Variants in TMEM87B observed in about 807,000 individuals in gnomAD.
TMEM87B encodes transmembrane protein 87B.
In TMEM87B, 83 loss-of-function variants were observed where a neutral mutation model predicts 80.3. The observed-to-expected ratio is 1.03, with a 90% CI of 0.87 to 1.24. TMEM87B has a LOEUF of 1.24. Among genes scored for constraint, TMEM87B ranks in the 50% most tolerant of loss-of-function variants. The probability of loss-of-function intolerance (pLI) is 0.00; values close to 1 mark genes in which losing one functional copy is unlikely to be tolerated. For synonymous variants in TMEM87B, 219 were observed against 230.5 expected, an observed-to-expected ratio of 0.95 and a Z score of 0.45; for missense variants, 625 against 674.4, an observed-to-expected ratio of 0.93 and a Z score of 0.81.
In TMEM87B at chr2:112,081,437, G is replaced by A; in HGVS notation, c.757G>A (p.Ala253Thr). ...KDILRIQFWIAAVIFLGMLEK... is the reference protein window; with the variant it reads ...KDILRIQFWITAVIFLGMLEK... The stretch of plus-strand genomic sequence containing the variant: ...TATATTAAGAATCCAGTTCTGGATT[G>A]CAGCTGTTATTTTTTTGGGAATGCT... Residue 253 changes from alanine to threonine, a missense_variant, in exon 8 of 19, where the codon GCA becomes ACA. Transcript: ENST00000283206. The A allele has an allele frequency of 1.2e-6, 2 of 1,613,806 alleles. No homozygotes were observed. The highest frequency in any genetic ancestry group is 1.7e-6 in the Non-Finnish European group (2 of 1,179,950).
In TMEM87B at chr2:112,064,146, T is replaced by C. The variant is rs956057606; in HGVS notation, c.227-16T>C. The C allele has an allele frequency of 5.6e-6, 9 of 1,608,832 alleles. No individual in the cohort carries two copies. In the Admixed American group the frequency reaches 8.4e-5, roughly 15 times the overall value. ...TGTATTATTCATGTAAAACAAGACT[T>C]TCTTTTTCTAAACAGTTAAGTCATT... On this transcript the variant is annotated splice_polypyrimidine_tract_variant and intron_variant, in intron 2 of 18. Transcript: ENST00000283206.
intron 1 of TMEM87B, among the ~76,000 whole-genome samples, chr2:112,058,295 T>C (rs140014207): frequency 2.6e-5 from 4 of 152,362 alleles, no homozygotes; most frequent in African/African-American, 9.6e-5. Context: ...GCCTTGAGCC[T>C]GAGGCCAGAG....
At chr2:112,060,532 G>T (rs1678218863) in intron 2 of TMEM87B, among the ~76,000 whole-genome samples, 1 of 151,390 alleles carries the variant, frequency 6.6e-6, no homozygotes, top group East Asian at 1.9e-4. Flanking sequence ...TTACAAGAAT[G>T]GATTTTTCTT....
intron 18 of TMEM87B, among the ~76,000 whole-genome samples, chr2:112,115,306 A>G (rs1679992339): frequency 7.2e-6 from 1 of 137,990 alleles, no homozygotes; most frequent in Admixed American, 7.3e-5. Context: ...CTACAGAAAG[A>G]TGTAGCATTA....
At chr2:112,085,895 AT>A in intron 8 of TMEM87B, 109 bp from the exon 9 acceptor site, 2 of 776,486 alleles carry the variant, frequency 2.6e-6, no homozygotes, top group Non-Finnish European at 4.0e-6. Flanking sequence ...AATGTGGCTG[AT>A]TGGTCTGAAG....
chr2:112,057,869 C>G (rs1018976600), intron 1 of TMEM87B, among the ~76,000 whole-genome samples: 2 of 150,940 alleles, frequency 1.3e-5, no homozygotes, highest in South Asian at 2.1e-4. Flanking sequence ...CTTTTGCTGC[C>G]CAGGCTGGAG....
At position 112,065,017 on chromosome 2, in the gene TMEM87B, G is replaced by A. The variant is rs1678376902; in HGVS notation, c.318+764G>A. ...TCTGTCACCCAGGCTGGAGTGCAGT[G>A]GTGCGATCATGGCTCACTCCAGCCC... On this transcript the variant is annotated intron_variant, in intron 3 of 18. Coordinates refer to ENST00000283206, the MANE Select transcript of TMEM87B (RefSeq NM_032824.3). 4.6e-5 allele frequency among the ~76,000 whole-genome samples: 7 copies of A among 152,188 alleles called. No homozygotes were observed. In the South Asian group the frequency reaches 1.5e-3, roughly 32 times the overall value.
chr2:112,116,197 A>G lies in TMEM87B; in HGVS notation c.*54A>G, dbSNP rs1224634035. On this transcript the variant is annotated 3_prime_UTR_variant, in exon 19 of 19. Coordinates refer to ENST00000283206, the MANE Select transcript of TMEM87B (RefSeq NM_032824.3). ...GCCTGAAGGACTATCCTTCATCAAGACTGAAAGTGAGCTTTGATTTGATAT... is the reference window on the plus strand; with the variant it reads ...GCCTGAAGGACTATCCTTCATCAAGGCTGAAAGTGAGCTTTGATTTGATAT... 2 of 1,474,546 alleles carry G rather than the reference A, an allele frequency of 1.4e-6. No homozygotes were observed. Among genetic ancestry groups the G allele is most frequent in the Non-Finnish European group, 1.9e-6 (2 of 1,073,824 alleles). The allele number at this position is 1,474,546 out of a possible 1,614,324, so 91.3% of individuals were successfully genotyped here. A position where few individuals can be genotyped will look rare whatever the true frequency, so the allele number is the denominator to read the frequency against.
intron 15 of TMEM87B, among the ~76,000 whole-genome samples, chr2:112,105,197 A>C (rs1409786409): frequency 6.6e-6 from 1 of 152,184 alleles, no homozygotes; most frequent in African/African-American, 2.4e-5. Context: ...TCTAAGAGAA[A>C]TGTTGGGGTT....
In TMEM87B at chr2:112,097,275, T is replaced by G; in HGVS notation, c.1256T>G (p.Ile419Ser). Residue 419 changes from isoleucine (I) to serine (S), a missense_variant, in exon 13 of 19, where the codon ATT becomes AGT. Coordinates refer to ENST00000283206, the MANE Select transcript of TMEM87B (RefSeq NM_032824.3). ...GGGTGGACAACTAAGACATTTAGAA[T>G]TGCAAAATGCCAATCAGTAAGTATA... is the stretch of plus-strand genomic sequence containing the variant. The part of the protein sequence containing the change: ...FMGWTTKTFR[I>S]AKCQSDWMER... 1 of 1,606,056 alleles carries G rather than the reference T, an allele frequency of 6.2e-7. No individual in the cohort carries two copies. The highest frequency in any genetic ancestry group is 1.1e-5 in the South Asian group (1 of 88,724).
Position 112,089,557 on chromosome 2 carries a change from C to G in TMEM87B, c.939-68C>G, listed in dbSNP as rs562809353. The G allele has an allele frequency of 3.6e-5, 49 of 1,367,398 alleles. No individual in the cohort carries two copies. In the East Asian group the frequency reaches 1.1e-3, roughly 30 times the overall value. 84.7% of individuals were successfully genotyped at this position (1,367,398 alleles called of 1,614,324 possible). A position where few individuals can be genotyped will look rare whatever the true frequency, so the allele number is the denominator to read the frequency against. ...CTGGTATTGGAAATGGTGCCAGTTA[C>G]TGTATTCAGGTGCATTTTACTCACC... is the stretch of plus-strand genomic sequence containing the variant. On this transcript the variant is annotated intron_variant, in intron 9 of 18. Coordinates refer to ENST00000283206, the MANE Select transcript of TMEM87B (RefSeq NM_032824.3).
chr2:112,097,854 C>T (rs760676216), intron 13 of TMEM87B, among the ~76,000 whole-genome samples: 1 of 151,920 alleles, frequency 6.6e-6, no homozygotes, highest in South Asian at 2.1e-4. Context: ...CCTGTATACC[C>T]TAACAGGAAA....
intron 9 of TMEM87B, among the ~76,000 whole-genome samples, chr2:112,086,987 C>T (rs1346599421): frequency 6.6e-6 from 1 of 152,194 alleles, no homozygotes; most frequent in African/African-American, 2.4e-5. Context: ...TGTCAACCTC[C>T]TCTGTTTCCT....
At chr2:112,074,379 G>A (rs1678747811) in intron 4 of TMEM87B, among the ~76,000 whole-genome samples, 1 of 152,166 alleles carries the variant, frequency 6.6e-6, no homozygotes, top group Admixed American at 6.5e-5. Flanking sequence ...TAAGAATGTT[G>A]AACATAGGCC....
Position 112,086,095 on chromosome 2 carries a change from G to C in TMEM87B, c.929G>C (p.Gly310Ala). The change falls in exon 9 of 19, where the codon GGC (glycine) becomes GCC (alanine). Residue 310 changes from glycine (G) to alanine (A), a missense_variant. Coordinates refer to ENST00000283206, the MANE Select transcript of TMEM87B (RefSeq NM_032824.3). ...LLVIIVSLGY[G>A]IVKPRLGTVM... ...GTGATCATTGTGAGCCTGGGCTATG[G>C]CATTGTGAAGTAAGTACTGGCGTGT... 1 of 1,614,074 alleles carries C rather than the reference G, an allele frequency of 6.2e-7. No homozygotes were observed. The highest frequency in any genetic ancestry group is 8.5e-7 in the Non-Finnish European group (1 of 1,179,962).
intron 2 of TMEM87B, among the ~76,000 whole-genome samples, chr2:112,061,444 G>A (rs1678255613): frequency 6.6e-6 from 1 of 152,180 alleles, no homozygotes; most frequent in Non-Finnish European, 1.5e-5. Flanking sequence ...CCTGAGGGAA[G>A]TCAGGCTAGC....
chr2:112,102,342 G>A (rs1679652435), intron 15 of TMEM87B, among the ~76,000 whole-genome samples: 2 of 152,048 alleles, frequency 1.3e-5, no homozygotes, highest in Admixed American at 6.6e-5. Context: ...TTTATCCCAG[G>A]GTTGCAAGGC....
At chr2:112,055,990 G>C (rs1678044020) in intron 1 of TMEM87B, among the ~76,000 whole-genome samples, 1 of 152,184 alleles carries the variant, frequency 6.6e-6, no homozygotes, top group Non-Finnish European at 1.5e-5. Context: ...GACGGCCCTC[G>C]GGTCCGAGCG....
At chr2:112,097,714 A>C (rs1679512543) in intron 13 of TMEM87B, among the ~76,000 whole-genome samples, 1 of 40,704 alleles carries the variant, frequency 2.5e-5, no homozygotes, top group East Asian at 2.8e-3. Flanking sequence ...CTCCATCTCA[A>C]AAAAAAAAAA....
Sources: gnomAD v4.1 joint callset for allele counts (sites outside exome capture counted in the v4.1 genomes callset) on GRCh38, gnomAD v4.1.1 for gene constraint, MANE v1.5 for transcripts, NCBI Gene and HGNC (gene_info 2026-07-23, HGNC 2026-07-21) for gene names.